Variants in MCU observed in about 807,000 individuals in gnomAD.
The protein encoded by MCU is mitochondrial calcium uniporter.
Under a neutral mutation model 45.2 loss-of-function variants are expected in MCU, and 12 were observed. The ratio of observed to expected loss-of-function variants is 0.27; its 90% CI spans 0.17 to 0.43. MCU has a LOEUF of 0.43. MCU is among the 20% of genes least tolerant of loss of function. The pLI, the probability that MCU is intolerant of heterozygous loss-of-function variation, is 1.00. For missense variants in MCU, 324 were observed against 436.7 expected (o/e 0.74, Z 2.30); for synonymous variants, 160 against 165.1 (o/e 0.97, Z 0.24).
At chr10:72,842,051 T>A (rs1845055749) in intron 2 of MCU, among the ~76,000 whole-genome samples, 1 of 152,184 alleles carries the variant, frequency 6.6e-6, no homozygotes, top group South Asian at 2.1e-4. Flanking sequence ...AAGCTATTGC[T>A]CTGAGTAAGG....
At chr10:72,837,622 C>T (rs760890484) in intron 2 of MCU, among the ~76,000 whole-genome samples, 1 of 152,118 alleles carries the variant, frequency 6.6e-6, no homozygotes, top group Non-Finnish European at 1.5e-5. Flanking sequence ...AACACGTGGT[C>T]TTAGACTTCT....
In MCU at chr10:72,880,483, G is replaced by T. The variant is rs112494589; in HGVS notation, c.862-3783G>T. ...ACCACACGTAGAAGGCAAAGCGGGGGGGGGGAAACCCTAGAAATATATGTA... is the reference window on the plus strand; with the variant it reads ...ACCACACGTAGAAGGCAAAGCGGGGTGGGGGAAACCCTAGAAATATATGTA... On this transcript the variant is annotated intron_variant, in intron 6 of 7. Coordinates refer to ENST00000373053, the MANE Select transcript of MCU (RefSeq NM_138357.3). 3.0e-4 allele frequency among the ~76,000 whole-genome samples: 45 copies of T among 151,962 alleles called. 1 individual carries two copies. Among genetic ancestry groups the T allele is most frequent in the Admixed American group, 5.9e-4 (9 of 15,258 alleles).
chr10:72,825,055 C>T (rs1844775968), intron 1 of MCU, among the ~76,000 whole-genome samples: 1 of 152,074 alleles, frequency 6.6e-6, no homozygotes, highest in Non-Finnish European at 1.5e-5. Flanking sequence ...TTTTTCTGTA[C>T]TGATCTTTTT....
intron 1 of MCU, among the ~76,000 whole-genome samples, chr10:72,828,281 A>C (rs937728878): frequency 2.0e-5 from 3 of 152,208 alleles, no homozygotes; most frequent in African/African-American, 7.2e-5. Context: ...GAGGCTATTT[A>C]TAATAAGATT....
At chr10:72,804,709 T>C (rs1844403731) in intron 1 of MCU, among the ~76,000 whole-genome samples, 1 of 152,234 alleles carries the variant, frequency 6.6e-6, no homozygotes, top group African/African-American at 2.4e-5. Context: ...GTATCAGTTC[T>C]ATTTTGTGTG....
chr10:72,724,993 G>A (rs1290429527), intron 1 of MCU, among the ~76,000 whole-genome samples: 1 of 152,174 alleles, frequency 6.6e-6, no homozygotes, highest in Non-Finnish European at 1.5e-5. Context: ...AAGGTCTCAT[G>A]TTGTCATCCA....
At chr10:72,810,634 G>GGTTGTTGTTGTTGTTGTTGTT (rs71021536) in intron 1 of MCU, among the ~76,000 whole-genome samples, 24 of 146,880 alleles carry the variant, frequency 1.6e-4, no homozygotes, top group Non-Finnish European at 2.7e-4. Flanking sequence ...CGCCCAGCTA[G>GGTTGTTGTTGTTGTTGTTGTT]GTTGTTGTTG....
chr10:72,834,637 C>CACT (rs1379618011), intron 2 of MCU, among the ~76,000 whole-genome samples: 1 of 152,000 alleles, frequency 6.6e-6, no homozygotes, highest in African/African-American at 2.4e-5. Flanking sequence ...CACTAAGTTC[C>CACT]ATTAAGACTT....
chr10:72,701,373 G>T (rs1842757054), intron 1 of MCU, among the ~76,000 whole-genome samples: 1 of 152,156 alleles, frequency 6.6e-6, no homozygotes, highest in South Asian at 2.1e-4. Context: ...GCATGTTTTG[G>T]ATTTAAGCCT....
At chr10:72,697,190 C>T (rs1014214752) in intron 1 of MCU, among the ~76,000 whole-genome samples, 1 of 151,844 alleles carries the variant, frequency 6.6e-6, no homozygotes. Context: ...GATCTCGGCT[C>T]ACTGCAACTT....
At chr10:72,810,106 A>G (rs1844516723) in intron 1 of MCU, among the ~76,000 whole-genome samples, 1 of 152,096 alleles carries the variant, frequency 6.6e-6, no homozygotes, top group African/African-American at 2.4e-5. Flanking sequence ...GAAAGGAGCT[A>G]TTGAAGTTGG....
intron 1 of MCU, among the ~76,000 whole-genome samples, chr10:72,742,042 A>C (rs976993695): frequency 1.2e-4 from 18 of 150,032 alleles, no homozygotes; most frequent in African/African-American, 4.0e-4. Flanking sequence ...AAAAAAAAAA[A>C]AAACAAAAAC....
chr10:72,740,377 C>CA (rs567402147), intron 1 of MCU, among the ~76,000 whole-genome samples: 7,429 of 107,156 alleles, frequency 0.069, 597 homozygotes, highest in African/African-American at 0.21. Context: ...GACTCTGTCT[C>CA]AAAAAAAAAA....
At chr10:72,746,459 G>T (rs1270272569) in intron 1 of MCU, among the ~76,000 whole-genome samples, 1 of 152,186 alleles carries the variant, frequency 6.6e-6, no homozygotes, top group Non-Finnish European at 1.5e-5. Context: ...TCACTTTTCA[G>T]TTGGATAAAT....
Position 72,782,479 on chromosome 10 carries a change from T to G in MCU, c.151-51880T>G, listed in dbSNP as rs571558788. On this transcript the variant is annotated intron_variant, in intron 1 of 7. Transcript: ENST00000373053. Reference sequence around the variant, plus strand: ...TCTGCCTCCTGGGTTCAAGCGATTCTCATGCCTCCAGCCTCCTGAGTAGCT... The same window carrying G: ...TCTGCCTCCTGGGTTCAAGCGATTCGCATGCCTCCAGCCTCCTGAGTAGCT... 2.0e-5 allele frequency among the ~76,000 whole-genome samples: 3 copies of G among 152,272 alleles called. No homozygotes were observed. In the South Asian group the frequency reaches 6.2e-4, roughly 32 times the overall value.
At chr10:72,715,409 G>A (rs1248530220) in intron 1 of MCU, among the ~76,000 whole-genome samples, 2 of 152,102 alleles carry the variant, frequency 1.3e-5, no homozygotes, top group East Asian at 3.9e-4. Flanking sequence ...GGTGACTGTT[G>A]CACAATAGAA....
chr10:72,740,535 T>C (rs1843312869), intron 1 of MCU, among the ~76,000 whole-genome samples: 1 of 152,232 alleles, frequency 6.6e-6, no homozygotes, highest in African/African-American at 2.4e-5. Context: ...AACTTATTTA[T>C]CAGTTTTGTT....
At chr10:72,753,334 G>A (rs2132712862) in intron 1 of MCU, among the ~76,000 whole-genome samples, 1 of 152,188 alleles carries the variant, frequency 6.6e-6, no homozygotes, top group Admixed American at 6.5e-5. Context: ...AATACATTAA[G>A]TTCTAGTTAC....
rs374429962 is a variant in MCU, at chr10:72,743,412, CA to C, written c.150+51131del. ...TGCATGACAGAGTGATACTCCATCT[CA>C]AAAAAAAAAAAAAAAAAAAGGTTTT... On this transcript the variant is annotated intron_variant, in intron 1 of 7. Transcript: ENST00000373053. Among the ~76,000 whole-genome samples, 377 of 74,428 alleles carry C rather than the reference CA, an allele frequency of 5.1e-3. 2 individuals carry two copies. The highest frequency in any genetic ancestry group is 0.02 in the African/African-American group (354 of 17,592). 48.8% of individuals were successfully genotyped at this position (74,428 alleles called of 152,430 possible).
Sources: allele counts gnomAD v4.1 joint callset (sites outside exome capture counted in the v4.1 genomes callset), GRCh38; gene constraint gnomAD v4.1.1; transcripts MANE v1.5; gene names NCBI Gene and HGNC (gene_info 2026-07-23, HGNC 2026-07-21).